HDX: variants seen among roughly 807,000 people sequenced by gnomAD.
The protein encoded by HDX is highly divergent homeobox.
HDX carries 19 observed loss-of-function variants against 45.2 expected under a neutral mutation model. That is an observed-to-expected ratio of 0.42 (90% CI 0.29 to 0.62). The LOEUF is 0.62. Ranked by LOEUF, HDX falls within the 20% of genes least tolerant of loss-of-function variation. HDX has a pLI of 0.20. For missense variants in HDX, 532 were observed against 493.9 expected (o/e 1.08, Z -0.73); for synonymous variants, 188 against 172.8 (o/e 1.09, Z -0.69).
chrX:84,344,006 T>C (rs1270486086), intron 7 of HDX, among the ~76,000 whole-genome samples: 1 of 111,639 alleles, frequency 9.0e-6, no homozygotes, highest in Non-Finnish European at 1.9e-5. Flanking sequence ...TTAATTATAA[T>C]GCATGAATTG....
intron 5 of HDX, among the ~76,000 whole-genome samples, chrX:84,426,047 A>G (rs1021714001): frequency 9.0e-6 from 1 of 111,174 alleles, no homozygotes; most frequent in South Asian, 3.8e-4. Flanking sequence ...TAAGCATTGC[A>G]TGCCTGTATC....
At chrX:84,387,714 C>T (rs547909101) in intron 5 of HDX, among the ~76,000 whole-genome samples, 1 of 111,591 alleles carries the variant, frequency 9.0e-6, no homozygotes, top group South Asian at 3.7e-4. Context: ...TGTGCTGTTA[C>T]ATGTGAGATG....
At chrX:84,364,248 C>A (rs1268938174) in intron 5 of HDX, among the ~76,000 whole-genome samples, 1 of 110,323 alleles carries the variant, frequency 9.1e-6, no homozygotes, top group Non-Finnish European at 1.9e-5. Context: ...CAACACTGCC[C>A]TTTTGAGTGC....
Position 84,469,471 on chromosome X carries a change from AT to A in HDX, c.251del (p.Asn84MetfsTer24). 8.3e-7 allele frequency: 1 copy of A among 1,210,764 alleles called. No individual in the cohort carries two copies. The highest frequency in any genetic ancestry group is 1.1e-6 in the Non-Finnish European group (1 of 895,084). ...TTGAGGGTCGAGCAATATTAACCAC[AT>A]TTCTGACTGTGATGTCTGGAGCTGA... is the stretch of plus-strand genomic sequence containing the variant. ...SLSAPDITVR[N>X]VVNIARPSSQ... On this transcript the variant is annotated frameshift_variant, in exon 4 of 11. Coordinates refer to ENST00000373177, the MANE Select transcript of HDX (RefSeq NM_001177479.2). LOFTEE classifies it high-confidence loss of function.
rs1306181629 is a variant in HDX at position 84,319,690 on chromosome X, C to T, written c.*2199G>A. 9.0e-6 allele frequency: 1 copy of T among 111,171 alleles called. No homozygotes were observed. Among genetic ancestry groups the T allele is most frequent in the East Asian group, 2.8e-4 (1 of 3,567 alleles). 9.2% of individuals were successfully genotyped at this position (111,171 alleles called of 1,213,427 possible). On this transcript the variant is annotated 3_prime_UTR_variant, in exon 11 of 11. Coordinates refer to ENST00000373177, the MANE Select transcript of HDX (RefSeq NM_001177479.2). Reference sequence around the variant, plus strand: ...CTATGCTTTCTCTCAAAATTGTGGACTAGGAATCCTTCTAAGAATCACACC... The same window carrying T: ...CTATGCTTTCTCTCAAAATTGTGGATTAGGAATCCTTCTAAGAATCACACC...
chrX:84,475,224 A>G, intron 3 of HDX, 27 bp downstream of exon 3: 7 of 1,154,648 alleles, frequency 6.1e-6, no homozygotes, highest in Non-Finnish European at 8.1e-6. Flanking sequence ...GAAGCTTTAA[A>G]TTTGAGTGTA....
At chrX:84,386,140 CAT>C (rs2038316122) in intron 5 of HDX, among the ~76,000 whole-genome samples, 1 of 111,372 alleles carries the variant, frequency 9.0e-6, no homozygotes, top group Non-Finnish European at 1.9e-5. Context: ...ATTCTCTTCA[CAT>C]GTTTTATCAC....
chrX:84,337,774 A>G (rs977412382), intron 7 of HDX, among the ~76,000 whole-genome samples: 6 of 111,776 alleles, frequency 5.4e-5, no homozygotes, highest in African/African-American at 1.9e-4. Context: ...TCAAAATTCA[A>G]TATTCTAAAA....
At chrX:84,421,478 A>G (rs1360245934) in intron 5 of HDX, among the ~76,000 whole-genome samples, 2 of 111,421 alleles carry the variant, frequency 1.8e-5, no homozygotes, top group African/African-American at 6.5e-5. Flanking sequence ...CCTTCAGTAG[A>G]GGAAGACATG....
intron 5 of HDX, among the ~76,000 whole-genome samples, chrX:84,365,633 A>G (rs762646016): frequency 2.7e-5 from 3 of 111,583 alleles, no homozygotes; most frequent in South Asian, 7.6e-4. Flanking sequence ...TGCCCATGAT[A>G]TAAAGAGCTA....
intron 5 of HDX, among the ~76,000 whole-genome samples, chrX:84,423,526 C>T (rs1251458828): frequency 2.0e-5 from 2 of 102,172 alleles, no homozygotes; most frequent in Non-Finnish European, 4.0e-5. Context: ...AAACTGCAGG[C>T]CAATATATCT....
chrX:84,398,085 A>G (rs1320500601), intron 5 of HDX, among the ~76,000 whole-genome samples: 1 of 110,002 alleles, frequency 9.1e-6, no homozygotes, highest in Non-Finnish European at 1.9e-5. Flanking sequence ...CCATATATAT[A>G]TAGTATGTGT....
At chrX:84,484,145 T>C (rs893529760) in intron 2 of HDX, among the ~76,000 whole-genome samples, 47 of 112,229 alleles carry the variant, frequency 4.2e-4, no homozygotes, top group African/African-American at 1.5e-3. Context: ...CCATCCAAAC[T>C]GTTCCAACCT....
intron 6 of HDX, among the ~76,000 whole-genome samples, chrX:84,345,240 A>C (rs2037173333): frequency 9.0e-6 from 1 of 111,620 alleles, no homozygotes; most frequent in Non-Finnish European, 1.9e-5. Context: ...AATATCAAAA[A>C]CAGGAAATTG....
At chrX:84,378,938 T>G (rs1298210841) in intron 5 of HDX, among the ~76,000 whole-genome samples, 2 of 110,356 alleles carry the variant, frequency 1.8e-5, no homozygotes, top group African/African-American at 3.3e-5. Flanking sequence ...AAGACACATA[T>G]AGACTGAAAA....
rs764381521 is a variant in HDX at position 84,462,679 on chromosome X, T to G, written c.1251+5793A>C. Among the ~76,000 whole-genome samples the G allele has an allele frequency of 6.3e-5, 7 of 110,497 alleles. No homozygotes were observed. The East Asian group carries it at 2.0e-3, about 31-fold the overall frequency. On this transcript the variant is annotated intron_variant, in intron 4 of 10. Coordinates refer to ENST00000373177, the MANE Select transcript of HDX (RefSeq NM_001177479.2). The stretch of plus-strand genomic sequence containing the variant: ...TAACTGAGTGATACTGTTCTATTAA[T>G]AAAAAATTAAGAATTTTTTAAAAAA...
Position 84,361,541 on chromosome X carries a change from G to A in HDX, c.1377C>T (p.Thr459=). 8.3e-7 allele frequency: 1 copy of A among 1,203,466 alleles called. No individual in the cohort carries two copies. Among genetic ancestry groups the A allele is most frequent in the Non-Finnish European group, 1.1e-6 (1 of 888,798 alleles). ...TCTCTCTACAAACAGAGCCCAGGCT[G>A]GTCATGCCATTGTCCCAATACTTCT... is the stretch of plus-strand genomic sequence containing the variant. ...TLKKYWDNGM[T]SLGSVCREKI... The change falls in exon 6 of 11, where the codon ACC becomes ACT. Residue 459 remains threonine, a synonymous_variant. Transcript: ENST00000373177.
intron 6 of HDX, among the ~76,000 whole-genome samples, chrX:84,355,672 A>G (rs974573834): frequency 2.7e-4 from 30 of 109,262 alleles, no homozygotes; most frequent in African/African-American, 9.7e-4. Context: ...GAAGACTTGG[A>G]CACAGGAAGG....
intron 5 of HDX, among the ~76,000 whole-genome samples, chrX:84,376,046 C>G (rs929303965): frequency 1.2e-4 from 13 of 112,230 alleles, no homozygotes; most frequent in Non-Finnish European, 2.3e-4. Flanking sequence ...TAAAAGGACA[C>G]TAATTTAACA....
Sources: allele counts gnomAD v4.1 joint callset (sites outside exome capture counted in the v4.1 genomes callset), GRCh38; gene constraint gnomAD v4.1.1; transcripts MANE v1.5; gene names NCBI Gene and HGNC (gene_info 2026-07-23, HGNC 2026-07-21).